UNC5D: variants seen among roughly 807,000 people sequenced by gnomAD.
UNC5D encodes netrin receptor UNC5D.
In UNC5D, 39 loss-of-function variants were observed where a neutral mutation model predicts 105.4. That is an observed-to-expected ratio of 0.37 (90% CI 0.29 to 0.48). The LOEUF is 0.48. Among genes scored for constraint, UNC5D ranks in the 20% least tolerant of loss-of-function variants. UNC5D has a pLI of 0.98. For synonymous variants in UNC5D, 452 were observed against 450.4 expected (o/e 1.00, Z -0.04); for missense variants, 991 against 1,202.4 (o/e 0.82, Z 2.60).
At chr8:35,677,937 T>C (rs1825375613) in intron 4 of UNC5D, among the ~76,000 whole-genome samples, 2 of 151,712 alleles carry the variant, frequency 1.3e-5, no homozygotes, top group African/African-American at 2.4e-5. Context: ...TGTGTGTATA[T>C]ATGTGTGTAT....
At chr8:35,594,858 A>G (rs1819390829) in intron 3 of UNC5D, among the ~76,000 whole-genome samples, 1 of 152,188 alleles carries the variant, frequency 6.6e-6, no homozygotes, top group South Asian at 2.1e-4. Flanking sequence ...AACCTCTGCA[A>G]GTGTCATCCT....
At chr8:35,628,525 A>G (rs1012401905) in intron 4 of UNC5D, among the ~76,000 whole-genome samples, 2 of 152,218 alleles carry the variant, frequency 1.3e-5, no homozygotes, top group Admixed American at 6.5e-5. Flanking sequence ...TAGATTTTTC[A>G]GAACCAGAGA....
intron 3 of UNC5D, among the ~76,000 whole-genome samples, chr8:35,591,014 AC>A (rs1277194996): frequency 6.6e-6 from 1 of 152,164 alleles, no homozygotes; most frequent in Non-Finnish European, 1.5e-5. Flanking sequence ...TAAGTTTAAA[AC>A]TTTTAAGTGT....
intron 1 of UNC5D, among the ~76,000 whole-genome samples, chr8:35,260,380 C>T (rs142079293): frequency 6.6e-6 from 1 of 152,320 alleles, no homozygotes; most frequent in African/African-American, 2.4e-5. Context: ...TGGCAATGCT[C>T]AATTCCGAGG....
At chr8:35,380,635 T>A (rs1002994169) in intron 1 of UNC5D, among the ~76,000 whole-genome samples, 23 of 152,134 alleles carry the variant, frequency 1.5e-4, no homozygotes, top group African/African-American at 5.6e-4. Context: ...GCCTCTAGAT[T>A]AGAAAGTCGA....
intron 3 of UNC5D, among the ~76,000 whole-genome samples, chr8:35,571,180 C>A (rs1817695966): frequency 6.6e-6 from 1 of 152,052 alleles, no homozygotes; most frequent in African/African-American, 2.4e-5. Context: ...CACTTCCCAC[C>A]TTTTTAGAAT....
At chr8:35,593,046 T>TACAC (rs200962371) in intron 3 of UNC5D, among the ~76,000 whole-genome samples, 7,527 of 141,142 alleles carry the variant, frequency 0.053, 215 homozygotes, top group Non-Finnish European at 0.071. Flanking sequence ...GTAGTTTTTA[T>TACAC]ACACACACAC....
chr8:35,585,588 G>A (rs1167967906), intron 3 of UNC5D, among the ~76,000 whole-genome samples: 2 of 151,318 alleles, frequency 1.3e-5, no homozygotes, highest in Admixed American at 6.6e-5. Flanking sequence ...TAGAAATATG[G>A]CAATAAACAG....
At position 35,358,530 on chromosome 8, in the gene UNC5D, A is replaced by C. The variant is rs899985819; in HGVS notation, c.103+122643A>C. Among the ~76,000 whole-genome samples the C allele has an allele frequency of 8.5e-5, 13 of 152,224 alleles. No homozygotes were observed. The South Asian group carries it at 1.2e-3, about 15-fold the overall frequency. On this transcript the variant is annotated intron_variant, in intron 1 of 16. Coordinates refer to ENST00000404895, the MANE Select transcript of UNC5D (RefSeq NM_080872.4). ...AGCAGAACATCAGGAAAAAATATCTAATGTGTGCTGGGCTTCATACCTAGG... is the reference window on the plus strand; with the variant it reads ...AGCAGAACATCAGGAAAAAATATCTCATGTGTGCTGGGCTTCATACCTAGG...
intron 1 of UNC5D, among the ~76,000 whole-genome samples, chr8:35,529,529 C>T (rs1291010482): frequency 1.7e-4 from 23 of 133,844 alleles, no homozygotes; most frequent in South Asian, 7.8e-4. Context: ...CTTGGCGATG[C>T]GGGCTCTTTT....
intron 4 of UNC5D, among the ~76,000 whole-genome samples, chr8:35,598,724 C>G (rs1819639173): frequency 6.6e-6 from 1 of 152,120 alleles, no homozygotes; most frequent in South Asian, 2.1e-4. Context: ...ACTATTCAGC[C>G]TTTAAGAAGG....
intron 14 of UNC5D, among the ~76,000 whole-genome samples, chr8:35,764,707 G>A (rs7011742): frequency 0.078 from 11,934 of 152,180 alleles, 1,286 homozygotes; most frequent in African/African-American, 0.25. Flanking sequence ...ATCATTAAAC[G>A]GACATGTGTT....
intron 1 of UNC5D, among the ~76,000 whole-genome samples, chr8:35,350,566 C>A (rs571193565): frequency 6.6e-6 from 1 of 152,048 alleles, no homozygotes; most frequent in Non-Finnish European, 1.5e-5. Context: ...ATTCCCTCAA[C>A]CCTCCCCACT....
At chr8:35,635,539 C>G (rs562761039) in intron 4 of UNC5D, among the ~76,000 whole-genome samples, 1 of 152,048 alleles carries the variant, frequency 6.6e-6, no homozygotes, top group African/African-American at 2.4e-5. Context: ...GCTTGGAAAA[C>G]ATGATAATGC....
chr8:35,401,087 T>G (rs1804428448), intron 1 of UNC5D, among the ~76,000 whole-genome samples: 2 of 152,056 alleles, frequency 1.3e-5, no homozygotes, highest in Non-Finnish European at 2.9e-5. Context: ...GTAACTATAG[T>G]CCTCTTACAA....
chr8:35,649,447 C>A (rs1823269715), intron 4 of UNC5D, among the ~76,000 whole-genome samples: 1 of 152,168 alleles, frequency 6.6e-6, no homozygotes, highest in African/African-American at 2.4e-5. Context: ...ATACTGAAGA[C>A]CTTGAAGATT....
intron 1 of UNC5D, among the ~76,000 whole-genome samples, chr8:35,345,235 C>A (rs1811723117): frequency 2.0e-5 from 3 of 151,964 alleles, no homozygotes; most frequent in Non-Finnish European, 2.9e-5. Context: ...TACATTTATT[C>A]CTGACCTGCT....
chr8:35,415,602 T>C (rs2128961375), intron 1 of UNC5D, among the ~76,000 whole-genome samples: 1 of 152,216 alleles, frequency 6.6e-6, no homozygotes, highest in East Asian at 1.9e-4. Flanking sequence ...ACATTGACCA[T>C]GGGATGCAGG....
At position 35,669,498 on chromosome 8, in the gene UNC5D, T is replaced by C. The variant is rs377308625; in HGVS notation, c.571-14049T>C. Among the ~76,000 whole-genome samples the C allele has an allele frequency of 2.6e-5, 4 of 152,058 alleles. No homozygotes were observed. In the East Asian group the frequency reaches 7.7e-4, roughly 29 times the overall value. On this transcript the variant is annotated intron_variant, in intron 4 of 16. Coordinates refer to ENST00000404895, the MANE Select transcript of UNC5D (RefSeq NM_080872.4). ...AATCTAATAGCAAGTCGGTTGCAAATTTCTATCCATCCTATTTTACCCCCT... is the reference window on the plus strand; with the variant it reads ...AATCTAATAGCAAGTCGGTTGCAAACTTCTATCCATCCTATTTTACCCCCT...
Sources: gnomAD v4.1 joint callset for allele counts (sites outside exome capture counted in the v4.1 genomes callset) on GRCh38, gnomAD v4.1.1 for gene constraint, MANE v1.5 for transcripts, NCBI Gene and HGNC (gene_info 2026-07-23, HGNC 2026-07-21) for gene names.